Variants in NIPAL2 observed in about 807,000 individuals in gnomAD.
NIPAL2 encodes NIPA-like protein 2.
A neutral mutation model predicts 48.9 loss-of-function variants in NIPAL2; 43 were observed. That is an observed-to-expected ratio of 0.88 (90% confidence interval 0.69 to 1.13). The LOEUF (loss-of-function observed/expected upper bound fraction) is 1.13, where lower values mean the gene tolerates loss of function less well. NIPAL2 is among the 50% of genes most tolerant of loss of function. The pLI, the probability that NIPAL2 is intolerant of heterozygous loss-of-function variation, is 0.00. For missense variants in NIPAL2, 446 were observed against 461.4 expected (o/e 0.97, Z 0.31); for synonymous variants, 167 against 174.6 (o/e 0.96, Z 0.34).
chr8:98,199,305 G>T (rs1490107824), intron 8 of NIPAL2, among the ~76,000 whole-genome samples: 1 of 152,142 alleles, frequency 6.6e-6, no homozygotes, highest in Non-Finnish European at 1.5e-5. Flanking sequence ...GTTTGGTGCA[G>T]AAGGTCTACC....
chr8:98,253,619 A>G (rs191373762), intron 2 of NIPAL2, among the ~76,000 whole-genome samples: 2 of 152,118 alleles, frequency 1.3e-5, no homozygotes, highest in South Asian at 2.1e-4. Flanking sequence ...AAGAAAGGGG[A>G]AAAAAACCCT....
At chr8:98,243,030 G>A (rs1238765534) in intron 3 of NIPAL2, among the ~76,000 whole-genome samples, 2 of 152,186 alleles carry the variant, frequency 1.3e-5, no homozygotes, top group Non-Finnish European at 2.9e-5. Context: ...GGGGCAGGGC[G>A]GAGGAAGACA....
intron 3 of NIPAL2, among the ~76,000 whole-genome samples, chr8:98,244,530 T>C (rs1003015341): frequency 1.8e-5 from 1 of 55,422 alleles, no homozygotes; most frequent in Admixed American, 2.6e-4. Flanking sequence ...ATAAGGGGGG[T>C]GGGCTGTGAT....
intron 2 of NIPAL2, 147 bp downstream of exon 2, chr8:98,253,872 T>A (rs1389076648): frequency 4.0e-6 from 2 of 501,756 alleles, no homozygotes; most frequent in Non-Finnish European, 7.0e-6. Context: ...TATATTTGTG[T>A]TTATACCAAT....
intron 4 of NIPAL2, among the ~76,000 whole-genome samples, chr8:98,235,013 CT>C (rs1812637118): frequency 6.6e-6 from 1 of 152,084 alleles, no homozygotes; most frequent in South Asian, 2.1e-4. Context: ...ACAATGTTGA[CT>C]AAAAACTCTG....
intron 1 of NIPAL2, among the ~76,000 whole-genome samples, chr8:98,279,362 T>A (rs556661449): frequency 2.6e-5 from 4 of 152,364 alleles, no homozygotes; most frequent in Admixed American, 2.6e-4. Flanking sequence ...TTGCATACAT[T>A]GAGCAGGCCC....
intron 1 of NIPAL2, among the ~76,000 whole-genome samples, chr8:98,292,123 T>G (rs765440769): frequency 6.6e-6 from 1 of 152,252 alleles, no homozygotes; most frequent in Non-Finnish European, 1.5e-5. Flanking sequence ...ATCATTAAGC[T>G]GTGGCTAGTT....
At chr8:98,274,723 T>A (rs1049581245) in intron 1 of NIPAL2, among the ~76,000 whole-genome samples, 1 of 152,078 alleles carries the variant, frequency 6.6e-6, no homozygotes, top group Non-Finnish European at 1.5e-5. Flanking sequence ...TAAACTGAAA[T>A]TTTCTGTCAA....
intron 6 of NIPAL2, among the ~76,000 whole-genome samples, chr8:98,211,733 A>AAGTGTTTGT (rs1271888062): frequency 9.2e-6 from 1 of 109,104 alleles, no homozygotes; most frequent in Non-Finnish European, 1.8e-5. Context: ...AGAGAGAGAA[A>AAGTGTTTGT]GTGTGTGTGT....
At chr8:98,218,028 G>A (rs1286761796) in intron 5 of NIPAL2, among the ~76,000 whole-genome samples, 1 of 152,000 alleles carries the variant, frequency 6.6e-6, no homozygotes, top group African/African-American at 2.4e-5. Context: ...TACTTTTTGT[G>A]GAAATACACA....
rs192349529 is a variant in NIPAL2, at chr8:98,278,385, C to A, written c.135+15618G>T. ...CATTATCCCTTTAAATGTCATCTAC[C>A]CTTTGTTCTCTCTTTCTTCTCCATA... On this transcript the variant is annotated intron_variant, in intron 1 of 10. Coordinates refer to ENST00000430223, the MANE Select transcript of NIPAL2 (RefSeq NM_001321635.2). Among the ~76,000 whole-genome samples the A allele has an allele frequency of 4.1e-4, 63 of 152,132 alleles. 1 individual carries two copies. Among genetic ancestry groups the A allele is most frequent in the African/African-American group, 1.5e-3 (62 of 41,520 alleles).
intron 1 of NIPAL2, among the ~76,000 whole-genome samples, chr8:98,293,617 C>T (rs1229806294): frequency 6.6e-6 from 1 of 152,166 alleles, no homozygotes; most frequent in Non-Finnish European, 1.5e-5. Context: ...TTTCTTTTAA[C>T]TGTAAAAGGA....
intron 1 of NIPAL2, among the ~76,000 whole-genome samples, chr8:98,286,087 C>T (rs1816140093): frequency 6.6e-6 from 1 of 152,132 alleles, no homozygotes; most frequent in Non-Finnish European, 1.5e-5. Flanking sequence ...ATAAAAGCAA[C>T]TTTGGCCCTC....
chr8:98,215,695 A>T (rs1274182634), intron 5 of NIPAL2, among the ~76,000 whole-genome samples: 1 of 152,176 alleles, frequency 6.6e-6, no homozygotes, highest in Admixed American at 6.5e-5. Context: ...AGAAGCTGTG[A>T]TGATGTTACT....
intron 9 of NIPAL2, 187 bp downstream of exon 9, chr8:98,195,755 G>A (rs1289029337): frequency 8.5e-6 from 4 of 472,974 alleles, no homozygotes; most frequent in East Asian, 4.5e-5. Context: ...ATATACCTAA[G>A]TCACAAAGCC....
At chr8:98,242,716 C>A (rs1813060782) in intron 3 of NIPAL2, among the ~76,000 whole-genome samples, 1 of 151,978 alleles carries the variant, frequency 6.6e-6, no homozygotes, top group African/African-American at 2.4e-5. Flanking sequence ...GAGCTCCTAA[C>A]CTCGTGATCC....
intron 4 of NIPAL2, among the ~76,000 whole-genome samples, chr8:98,229,510 C>T (rs12549134): frequency 0.068 from 10,294 of 152,208 alleles, 468 homozygotes; most frequent in East Asian, 0.1. Context: ...GTAGCTGGAA[C>T]TACAGGCATG....
At chr8:98,231,859 G>C (rs1054654809) in intron 4 of NIPAL2, 3 of 152,062 alleles carry the variant, frequency 2.0e-5, no homozygotes, top group African/African-American at 7.2e-5. Flanking sequence ...TCATTTGCTT[G>C]AAACAGAGAA....
chr8:98,267,572 A>C (rs1814848536), intron 1 of NIPAL2, among the ~76,000 whole-genome samples: 1 of 152,140 alleles, frequency 6.6e-6, no homozygotes, highest in Non-Finnish European at 1.5e-5. Flanking sequence ...TTCCTGCCTC[A>C]GCCTCCTAAA....
Sources: gnomAD v4.1 joint callset for allele counts (sites outside exome capture counted in the v4.1 genomes callset) on GRCh38, gnomAD v4.1.1 for gene constraint, MANE v1.5 for transcripts, NCBI Gene and HGNC (gene_info 2026-07-23, HGNC 2026-07-21) for gene names.